The following TBC1D21 variants were observed in gnomAD, a reference collection of about 807,000 sequenced individuals.
TBC1D21 encodes male germ cell Rab GTPase-activating protein.
Under a neutral mutation model 46.0 loss-of-function variants are expected in TBC1D21, and 38 were observed. The observed-to-expected ratio is 0.83, with a 90% CI of 0.64 to 1.08. The LOEUF is 1.08. TBC1D21 is among the 50% of genes least tolerant of loss of function. The pLI, the probability that TBC1D21 is intolerant of heterozygous loss-of-function variation, is 0.00. For synonymous variants in TBC1D21, 151 were observed against 157.2 expected, an observed-to-expected ratio of 0.96 and a Z score of 0.29; for missense variants, 415 against 417.9, an observed-to-expected ratio of 0.99 and a Z score of 0.06.
At chr15:73,889,515 G>A (rs561003780), downstream of TBC1D21, among the ~76,000 whole-genome samples, 35 of 152,372 alleles carry the variant, frequency 2.3e-4, no homozygotes, top group South Asian at 3.5e-3. Context: ...TCTGGACTTA[G>A]GTCCTGAGAG....
In TBC1D21 at chr15:73,886,714, G is replaced by A. The variant is rs2068253848; in HGVS notation, c.777+102G>A. ...TCCCCCTTTCTTCCTGGCTTGGATG[G>A]AGTTCAGTATCTCGGGGTTTTGTTA... On this transcript the variant is annotated intron_variant, in intron 8 of 10. Coordinates refer to ENST00000300504, the MANE Select transcript of TBC1D21 (RefSeq NM_153356.3). 45 of 1,117,138 alleles carry A rather than the reference G, an allele frequency of 4.0e-5. No individual in the cohort carries two copies. In the South Asian group the frequency reaches 5.6e-4, roughly 14 times the overall value. The allele number at this position is 1,117,138 out of a possible 1,614,324, so 69.2% of individuals were successfully genotyped here.
the TBC1D21 span, among the ~76,000 whole-genome samples, chr15:73,904,161 C>T: frequency 1.3e-5 from 2 of 152,216 alleles, no homozygotes; most frequent in South Asian, 4.1e-4. Flanking sequence ...GTCAGTGAGT[C>T]CTTGGGCTTC....
At chr15:73,887,527 A>G in intron 8 of TBC1D21, 93 bp from the exon 9 acceptor site, 1 of 1,030,960 alleles carries the variant, frequency 9.7e-7, no homozygotes, top group South Asian at 1.3e-5. Context: ...GGAATGGCTG[A>G]CTCCAGGCAC....
rs534299038 is a variant in TBC1D21 at position 73,886,612 on chromosome 15, G to T, written c.777G>T (p.Glu259Asp). The T allele has an allele frequency of 1.2e-6, 2 of 1,613,318 alleles. No homozygotes were observed. The highest frequency in any genetic ancestry group is 2.2e-5 in the East Asian group (1 of 44,884). The change falls in exon 8 of 11, where the codon GAG (glutamate) becomes GAT (aspartate). Residue 259 changes from glutamate (E) to aspartate (D), a missense_variant and splice_region_variant. Physicochemically the swap from Glu to Asp is conservative, Grantham distance 45. Transcript: ENST00000300504. ...TCGATGATGTCTGGAGGCTCTGGGAGGTGAGGTGTCCAGCTAGGGATCATC... is the reference window on the plus strand; with the variant it reads ...TCGATGATGTCTGGAGGCTCTGGGATGTGAGGTGTCCAGCTAGGGATCATC... ...KSFDDVWRLW[E>D]VLLTGKPCRN...
chr15:73,888,286 C>T, intron 9 of TBC1D21, 144 bp from the exon 10 acceptor site: 1 of 656,088 alleles, frequency 1.5e-6, no homozygotes, highest in Middle Eastern at 3.9e-4. Context: ...GCCAAGCAGG[C>T]TGGGGAGAGG....
intron 1 of TBC1D21, among the ~76,000 whole-genome samples, chr15:73,875,447 T>C (rs1029036792): frequency 6.7e-6 from 1 of 150,300 alleles, no homozygotes; most frequent in Non-Finnish European, 1.5e-5. Context: ...TAAAAAGTTT[T>C]TCTTGTCCTC....
At chr15:73,894,796 A>G in the TBC1D21 span, among the ~76,000 whole-genome samples, 1 of 152,208 alleles carries the variant, frequency 6.6e-6, no homozygotes, top group East Asian at 1.9e-4. Context: ...CCTGGATGGA[A>G]CAAGACCAAG....
intron 3 of TBC1D21, among the ~76,000 whole-genome samples, chr15:73,883,592 C>T (rs554442364): frequency 4.6e-5 from 7 of 152,308 alleles, no homozygotes; most frequent in South Asian, 2.1e-4. Flanking sequence ...TTACGGATCT[C>T]GTCCGGAGAT....
chr15:73,889,124 C>T lies in TBC1D21; in HGVS notation c.*23C>T. ...TGAGGACACCAAAGCCCGCAGTGGACTGATGCCTTCGATGGGCAGGATGAA... is the reference window on the plus strand; with the variant it reads ...TGAGGACACCAAAGCCCGCAGTGGATTGATGCCTTCGATGGGCAGGATGAA... On this transcript the variant is annotated 3_prime_UTR_variant, in exon 11 of 11. Transcript: ENST00000300504. The T allele has an allele frequency of 6.2e-7, 1 of 1,610,614 alleles. No homozygotes were observed. The highest frequency in any genetic ancestry group is 8.5e-7 in the Non-Finnish European group (1 of 1,178,324).
At chr15:73,887,865 A>G in intron 9 of TBC1D21, 129 bp downstream of exon 9, 1 of 715,644 alleles carries the variant, frequency 1.4e-6, no homozygotes. Flanking sequence ...CCAGACAGAA[A>G]GGGCAATGAG....
chr15:73,894,976 A>AGGAGGCTGGTGGCAGGCACGGGAGGGC, the TBC1D21 span, among the ~76,000 whole-genome samples: 1 of 152,216 alleles, frequency 6.6e-6, no homozygotes, highest in Non-Finnish European at 1.5e-5. Flanking sequence ...CCAGAAATGA[A>AGGAGGCTGGTGGCAGGCACGGGAGGGC]GGAGGCTGGT....
the TBC1D21 span, among the ~76,000 whole-genome samples, chr15:73,903,835 TGAG>T: frequency 6.6e-6 from 1 of 152,048 alleles, no homozygotes; most frequent in African/African-American, 2.4e-5. Flanking sequence ...GGGCTTGAGG[TGAG>T]GAGTTCGAGA....
Position 73,886,519 on chromosome 15 carries a change from G to A in TBC1D21, c.684G>A (p.Lys228=). ...DPVFAEHLKG[K]GAGAVQSLFP... ...CACCTTCTCTCCCCACAGAAGGGAA[G>A]GGTGCAGGGGCTGTGCAGTCCCTCT... The change falls in exon 8 of 11, where the codon AAG becomes AAA. Residue 228 remains lysine (K), a synonymous_variant. Coordinates refer to ENST00000300504, the MANE Select transcript of TBC1D21 (RefSeq NM_153356.3). The A allele has an allele frequency of 1.2e-6, 2 of 1,613,698 alleles. No homozygotes were observed. The highest frequency in any genetic ancestry group is 4.5e-5 in the East Asian group (2 of 44,880).
At position 73,886,905 on chromosome 15, in the gene TBC1D21, C is replaced by T. The variant is rs529308455; in HGVS notation, c.777+293C>T. On this transcript the variant is annotated intron_variant, in intron 8 of 10. Coordinates refer to ENST00000300504, the MANE Select transcript of TBC1D21 (RefSeq NM_153356.3). Reference sequence around the variant, plus strand: ...GCCTGGGCCTGCAGCTCCACTTCCCCGCTGCCCTGCCCAGGTGGCCTCCCC... The same window carrying T: ...GCCTGGGCCTGCAGCTCCACTTCCCTGCTGCCCTGCCCAGGTGGCCTCCCC... 3.2e-4 allele frequency among the ~76,000 whole-genome samples: 48 copies of T among 152,324 alleles called. No individual in the cohort carries two copies. In the South Asian group the frequency reaches 8.5e-3, roughly 27 times the overall value.
intron 1 of TBC1D21, among the ~76,000 whole-genome samples, chr15:73,876,213 T>G (rs28454026): frequency 0.098 from 4,117 of 41,960 alleles, 1,442 homozygotes; most frequent in East Asian, 0.43. Flanking sequence ...TTTTTTTTTT[T>G]TTTTTTTTTT....
At chr15:73,874,776 C>T (rs1429670392) in intron 1 of TBC1D21, among the ~76,000 whole-genome samples, 2 of 152,222 alleles carry the variant, frequency 1.3e-5, no homozygotes, top group Non-Finnish European at 2.9e-5. Context: ...TGTAACTCAT[C>T]CCTCCAGGGC....
At chr15:73,891,110 G>A (rs1487741678), downstream of TBC1D21, among the ~76,000 whole-genome samples, 2 of 152,216 alleles carry the variant, frequency 1.3e-5, no homozygotes, top group South Asian at 4.1e-4. Flanking sequence ...CCAGCAGACT[G>A]TAGATTAGGA....
At chr15:73,907,525 G>A in the TBC1D21 span, among the ~76,000 whole-genome samples, 1 of 152,152 alleles carries the variant, frequency 6.6e-6, no homozygotes, top group Non-Finnish European at 1.5e-5. Flanking sequence ...TCTGGGAGAT[G>A]CTCTAAGATC....
chr15:73,888,942 C>G, intron 10 of TBC1D21, 127 bp from the exon 11 acceptor site: 1 of 1,107,218 alleles, frequency 9.0e-7, no homozygotes. Flanking sequence ...CCTCATCCCC[C>G]ATTCCCTGTG....
Sources: gnomAD v4.1 joint callset for allele counts (sites outside exome capture counted in the v4.1 genomes callset) on GRCh38, gnomAD v4.1.1 for gene constraint, MANE v1.5 for transcripts, NCBI Gene and HGNC (gene_info 2026-07-23, HGNC 2026-07-21) for gene names.